Variants in SLC39A11 observed in about 807,000 individuals in gnomAD.
SLC39A11 encodes the protein solute carrier family 39 member 11, also known as zinc transporter ZIP11.
A neutral mutation model predicts 36.1 loss-of-function variants in SLC39A11; 33 were observed. The ratio of observed to expected loss-of-function variants is 0.91; its 90% CI spans 0.69 to 1.22. The LOEUF (loss-of-function observed/expected upper bound fraction) is 1.22. SLC39A11 is among the 50% of genes most tolerant of loss of function. The pLI is 0.00. For synonymous variants in SLC39A11, 166 were observed against 170.3 expected (o/e 0.97, Z 0.20); for missense variants, 432 against 430.3 (o/e 1.00, Z -0.03).
intron 5 of SLC39A11, among the ~76,000 whole-genome samples, chr17:72,873,054 C>CAAAA (rs1197695347): frequency 1.9e-5 from 1 of 52,052 alleles, no homozygotes; most frequent in Non-Finnish European, 4.0e-5. Context: ...GACTCCATCT[C>CAAAA]AAAAAAAAAA....
At chr17:72,840,440 C>T (rs2078751791) in intron 6 of SLC39A11, among the ~76,000 whole-genome samples, 1 of 152,212 alleles carries the variant, frequency 6.6e-6, no homozygotes, top group South Asian at 2.1e-4. Flanking sequence ...AATGTCCTCC[C>T]TTGGCCCACC....
chr17:73,073,760 C>G (rs557255691), intron 3 of SLC39A11: 1 of 152,282 alleles, frequency 6.6e-6, no homozygotes, highest in African/African-American at 2.4e-5. Flanking sequence ...CAAGCACTCT[C>G]TGGCTCTCTC....
intron 7 of SLC39A11, among the ~76,000 whole-genome samples, chr17:72,732,674 GTAAGTGCAACCGTACTT>G (rs2074279937): frequency 1.3e-5 from 2 of 152,192 alleles, no homozygotes; most frequent in South Asian, 4.1e-4. Flanking sequence ...CTATTTGAGT[GTAAGTGCAACCGTACTT>G]AAGAGTCCTC....
chr17:72,728,609 A>C (rs1433450465), intron 7 of SLC39A11, among the ~76,000 whole-genome samples: 1 of 152,190 alleles, frequency 6.6e-6, no homozygotes, highest in East Asian at 1.9e-4. Flanking sequence ...ACAATATGTA[A>C]ACAAATGGGT....
chr17:72,683,529 G>A (rs1251438971), intron 7 of SLC39A11, among the ~76,000 whole-genome samples: 1 of 151,634 alleles, frequency 6.6e-6, no homozygotes, highest in Non-Finnish European at 1.5e-5. Flanking sequence ...AGAGCCAGGG[G>A]TCTCACTATA....
intron 4 of SLC39A11, among the ~76,000 whole-genome samples, chr17:72,999,030 C>T (rs17836650): frequency 0.054 from 8,273 of 152,166 alleles, 377 homozygotes; most frequent in East Asian, 0.26. Context: ...AGGACAAGGA[C>T]GATGACAATG....
chr17:72,966,898 C>G (rs369155643), intron 4 of SLC39A11, among the ~76,000 whole-genome samples: 13 of 152,330 alleles, frequency 8.5e-5, no homozygotes, highest in African/African-American at 3.1e-4. Flanking sequence ...CCACTCCCCA[C>G]TGCTGGAATT....
At chr17:73,004,563 G>C (rs974722785) in intron 4 of SLC39A11, among the ~76,000 whole-genome samples, 1 of 152,236 alleles carries the variant, frequency 6.6e-6, no homozygotes. Context: ...GAATGTGGAA[G>C]GTTTACAATT....
chr17:72,678,215 T>C (rs2071358449), intron 7 of SLC39A11, among the ~76,000 whole-genome samples: 1 of 152,190 alleles, frequency 6.6e-6, no homozygotes, highest in African/African-American at 2.4e-5. Flanking sequence ...GTGTGCATAG[T>C]TTATAAGTAT....
chr17:72,665,398 T>TTTTTTG (rs761648574), intron 7 of SLC39A11, among the ~76,000 whole-genome samples: 12,554 of 130,170 alleles, frequency 0.096, 1,212 homozygotes, highest in East Asian at 0.15. Flanking sequence ...TGTTTTTTTT[T>TTTTTTG]TTTTTTTTTT....
intron 6 of SLC39A11, among the ~76,000 whole-genome samples, chr17:72,759,947 G>T (rs181666058): frequency 5.3e-5 from 8 of 152,252 alleles, no homozygotes; most frequent in South Asian, 4.1e-4. Flanking sequence ...AGAAGTATTG[G>T]GTATGCAGAT....
At chr17:73,036,015 C>T (rs183686853) in intron 3 of SLC39A11, among the ~76,000 whole-genome samples, 1 of 152,016 alleles carries the variant, frequency 6.6e-6, no homozygotes, top group East Asian at 1.9e-4. Context: ...GGGAGGTGGC[C>T]CCAAGATGCT....
At chr17:72,936,028 C>T (rs2084728205) in intron 5 of SLC39A11, among the ~76,000 whole-genome samples, 1 of 152,066 alleles carries the variant, frequency 6.6e-6, no homozygotes, top group South Asian at 2.1e-4. Flanking sequence ...GAAACCCTGT[C>T]CCTACTGAAA....
chr17:72,980,210 T>C (rs2088195271), intron 4 of SLC39A11, among the ~76,000 whole-genome samples: 1 of 152,060 alleles, frequency 6.6e-6, no homozygotes. Flanking sequence ...CAAGACAAAA[T>C]TAGTGGTGGC....
chr17:73,082,678 A>AG (rs1252946508), intron 3 of SLC39A11, among the ~76,000 whole-genome samples: 1 of 152,180 alleles, frequency 6.6e-6, no homozygotes, highest in African/African-American at 2.4e-5. Flanking sequence ...CAATTTGATT[A>AG]GATCCACCTT....
chr17:72,808,559 C>T (rs539853298), intron 6 of SLC39A11, among the ~76,000 whole-genome samples: 3 of 152,198 alleles, frequency 2.0e-5, no homozygotes, highest in Non-Finnish European at 2.9e-5. Context: ...AGCTAAATGA[C>T]AGCCAGCAAA....
chr17:72,844,104 A>G (rs1253544178), intron 6 of SLC39A11, among the ~76,000 whole-genome samples: 1 of 152,232 alleles, frequency 6.6e-6, no homozygotes, highest in Non-Finnish European at 1.5e-5. Context: ...AGGGAATGTC[A>G]AAGCTCTAGT....
At chr17:72,987,898 C>T (rs1205756375) in intron 4 of SLC39A11, among the ~76,000 whole-genome samples, 1 of 152,164 alleles carries the variant, frequency 6.6e-6, no homozygotes, top group African/African-American at 2.4e-5. Context: ...CGTAAAAGAG[C>T]AAAGCCTACT....
intron 7 of SLC39A11, chr17:72,713,125 A>G (rs185299617): frequency 3.9e-5 from 6 of 152,652 alleles, no homozygotes; most frequent in East Asian, 3.9e-4. Flanking sequence ...CAGGCAAGAC[A>G]TGGCATTGAA....
Sources: allele counts gnomAD v4.1 joint callset (sites outside exome capture counted in the v4.1 genomes callset), GRCh38; gene constraint gnomAD v4.1.1; transcripts MANE v1.5; gene names NCBI Gene and HGNC (gene_info 2026-07-23, HGNC 2026-07-21).